The following RBM45 variants were observed in gnomAD, a reference collection of about 807,000 sequenced individuals.
RBM45 encodes the protein RNA binding motif protein 45.
RBM45 carries 39 observed loss-of-function variants against 58.5 expected under a neutral mutation model. The ratio of observed to expected loss-of-function variants is 0.67; its 90% CI spans 0.52 to 0.87. The LOEUF (loss-of-function observed/expected upper bound fraction) is 0.87. RBM45 is among the 40% of genes least tolerant of loss of function. The pLI is 0.00. For missense variants in RBM45, 481 were observed against 581.6 expected, an observed-to-expected ratio of 0.83 and a Z score of 1.78; for synonymous variants, 193 against 203.0, an observed-to-expected ratio of 0.95 and a Z score of 0.42.
chr2:178,127,953 A>G (rs16866101), intron 9 of RBM45, among the ~76,000 whole-genome samples: 13,255 of 151,268 alleles, frequency 0.088, 635 homozygotes, highest in East Asian at 0.13. Context: ...TGGGCTTAAA[A>G]TAAAAAGCCA....
rs1260057109 is a variant in RBM45 at position 178,121,403 on chromosome 2, T to TATACACAC, written c.853+45_853+46insTACACACA. On this transcript the variant is annotated intron_variant, in intron 5 of 9. Coordinates refer to ENST00000286070, the MANE Select transcript of RBM45 (RefSeq NM_152945.4). ...TAAAAAATATATATATATGTATATA[T>TATACACAC]ACACACACACACACACACACACACA... 3.9e-5 allele frequency: 23 copies of TATACACAC among 593,468 alleles called. No homozygotes were observed. The African/African-American group carries it at 3.9e-4, about 10-fold the overall frequency. 36.8% of individuals were successfully genotyped at this position (593,468 alleles called of 1,614,324 possible).
chr2:178,118,387 A>T (rs2087805215), intron 3 of RBM45, among the ~76,000 whole-genome samples: 1 of 152,178 alleles, frequency 6.6e-6, no homozygotes, highest in Non-Finnish European at 1.5e-5. Context: ...AAGAAATAAG[A>T]GCAACTACAT....
At chr2:178,121,419 C>G in intron 5 of RBM45, 60 bp downstream of exon 5, 1 of 731,870 alleles carries the variant, frequency 1.4e-6, no homozygotes, top group Non-Finnish European at 1.9e-6. Flanking sequence ...CACACACACA[C>G]ACACACACAC....
intron 9 of RBM45, among the ~76,000 whole-genome samples, chr2:178,129,012 G>T (rs746636862): frequency 1.3e-4 from 20 of 152,242 alleles, no homozygotes; most frequent in Admixed American, 4.6e-4. Flanking sequence ...TATCTCTGAG[G>T]TATGGGCCTG....
exon 4 of RBM45, chr2:178,137,151 C>T (rs918010398): frequency 9.2e-5 from 14 of 152,106 alleles, no homozygotes; most frequent in African/African-American, 3.1e-4. Context: ...TCAGAATGTT[C>T]AGCCGTATTA....
At chr2:178,133,670 T>C (rs2088022231), downstream of RBM45, among the ~76,000 whole-genome samples, 1 of 152,216 alleles carries the variant, frequency 6.6e-6, no homozygotes, top group Non-Finnish European at 1.5e-5. Flanking sequence ...TCTATTGCCT[T>C]TTCACCTAGA....
At chr2:178,117,309 C>A (rs572322100) in intron 2 of RBM45, among the ~76,000 whole-genome samples, 178 of 152,028 alleles carry the variant, frequency 1.2e-3, no homozygotes, top group South Asian at 3.7e-3. Context: ...ATAAATTTTT[C>A]TTTTCCTGAA....
At chr2:178,128,059 G>A (rs2087957587) in intron 9 of RBM45, among the ~76,000 whole-genome samples, 1 of 134,102 alleles carries the variant, frequency 7.5e-6, no homozygotes, top group South Asian at 2.4e-4. Context: ...AGGCTGGAGT[G>A]CAGTGGCCTG....
At chr2:178,126,396 T>G (rs1050787363) in intron 9 of RBM45, among the ~76,000 whole-genome samples, 1 of 152,212 alleles carries the variant, frequency 6.6e-6, no homozygotes, top group Non-Finnish European at 1.5e-5. Context: ...TTTAGAAAGA[T>G]AAATAATTGT....
At chr2:178,115,047 C>T (rs1012358086) in intron 1 of RBM45, among the ~76,000 whole-genome samples, 5 of 152,188 alleles carry the variant, frequency 3.3e-5, no homozygotes, top group Non-Finnish European at 7.3e-5. Flanking sequence ...TATTATCTTA[C>T]CAGCCCTCAG....
rs2087835596 is a variant in RBM45, at chr2:178,120,498, AT to A, written c.673+90del. On this transcript the variant is annotated intron_variant, in intron 4 of 9. Coordinates refer to ENST00000286070, the MANE Select transcript of RBM45 (RefSeq NM_152945.4). ...AAGAATACTCTGTTATTGGGCATCTATAAATTTCACCTAGTGAATAAAAATC... is the reference window on the plus strand; with the variant it reads ...AAGAATACTCTGTTATTGGGCATCTAAAATTTCACCTAGTGAATAAAAATC... 22 of 1,193,180 alleles carry A rather than the reference AT, an allele frequency of 1.8e-5. No homozygotes were observed. The South Asian group carries it at 3.8e-4, about 21-fold the overall frequency. 73.9% of individuals were successfully genotyped at this position (1,193,180 alleles called of 1,614,324 possible).
intron 8 of RBM45, among the ~76,000 whole-genome samples, chr2:178,124,696 C>T (rs1310495373): frequency 6.6e-6 from 1 of 152,126 alleles, no homozygotes; most frequent in African/African-American, 2.4e-5. Flanking sequence ...TGCCTGTGGT[C>T]GCAGATACTT....
At chr2:178,123,254 A>G (rs931750626) in intron 5 of RBM45, among the ~76,000 whole-genome samples, 6 of 152,218 alleles carry the variant, frequency 3.9e-5, no homozygotes, top group Non-Finnish European at 8.8e-5. Flanking sequence ...TCCTAAAACT[A>G]AACTTATTAG....
intron 1 of RBM45, among the ~76,000 whole-genome samples, chr2:178,114,777 C>A: frequency 6.6e-6 from 1 of 151,726 alleles, no homozygotes; most frequent in East Asian, 1.9e-4. Flanking sequence ...TTTTATTTTT[C>A]TTAGAGACAG....
rs55710214 is a variant in RBM45, at chr2:178,121,403, TACACACACACACACACAC to T, written c.853+68_853+85del. On this transcript the variant is annotated intron_variant, in intron 5 of 9. Transcript: ENST00000286070. ...TAAAAAATATATATATATGTATATATACACACACACACACACACACACACACACACACACACACACAGA... is the reference window on the plus strand; with the variant it reads ...TAAAAAATATATATATATGTATATATACACACACACACACACACACACAGA... 4.2e-4 allele frequency: 250 copies of T among 593,470 alleles called. 3 individuals carry two copies. The African/African-American group carries it at 4.4e-3, about 11-fold the overall frequency. The allele number at this position is 593,470 out of a possible 1,614,324, so 36.8% of individuals were successfully genotyped here. A position where few individuals can be genotyped will look rare whatever the true frequency, so the allele number is the denominator to read the frequency against.
chr2:178,135,921 A>T (rs763385448), intron 3 of RBM45, among the ~76,000 whole-genome samples: 8 of 152,238 alleles, frequency 5.3e-5, no homozygotes, highest in Non-Finnish European at 1.2e-4. Flanking sequence ...AACTAGAAAG[A>T]ATTTCTACTA....
chr2:178,120,265 G>C (rs1331154412), intron 3 of RBM45, 22 bp from the exon 4 acceptor site: 1 of 1,611,424 alleles, frequency 6.2e-7, no homozygotes. Context: ...TGTGAAACTT[G>C]AAATTCATGG....
intron 3 of RBM45, among the ~76,000 whole-genome samples, chr2:178,119,914 C>T (rs2087826637): frequency 6.6e-6 from 1 of 151,994 alleles, no homozygotes; most frequent in African/African-American, 2.4e-5. Flanking sequence ...TAGCATATTC[C>T]AATTGTGTGC....
At chr2:178,132,992 G>C (rs1425164898), downstream of RBM45, among the ~76,000 whole-genome samples, 1 of 152,192 alleles carries the variant, frequency 6.6e-6, no homozygotes, top group African/African-American at 2.4e-5. Context: ...TTTTGAACAA[G>C]CTGTGGTTAT....
Sources: allele counts gnomAD v4.1 joint callset (sites outside exome capture counted in the v4.1 genomes callset), GRCh38; gene constraint gnomAD v4.1.1; transcripts MANE v1.5; gene names NCBI Gene and HGNC (gene_info 2026-07-23, HGNC 2026-07-21).